The following NCOA1 variants were observed in gnomAD, a reference collection of about 807,000 sequenced individuals.
NCOA1 encodes the protein nuclear receptor coactivator 1.
Under a neutral mutation model 150.9 loss-of-function variants are expected in NCOA1, and 35 were observed. The ratio of observed to expected loss-of-function variants is 0.23; its 90% confidence interval spans 0.18 to 0.31. NCOA1 has a LOEUF of 0.31. NCOA1 is among the 10% of genes least tolerant of loss of function. The probability of loss-of-function intolerance (pLI) is 1.00; values close to 1 mark genes in which losing one functional copy is unlikely to be tolerated. For missense variants in NCOA1, 1,491 were observed against 1,749.3 expected, an observed-to-expected ratio of 0.85 and a Z score of 2.63; for synonymous variants, 590 against 630.0, an observed-to-expected ratio of 0.94 and a Z score of 0.95.
chr2:24,668,802 G>A lies in NCOA1; in HGVS notation c.256+2887G>A, dbSNP rs199812360. 5.7e-3 allele frequency among the ~76,000 whole-genome samples: 853 copies of A among 149,146 alleles called. 6 individuals carry two copies. The highest frequency in any genetic ancestry group is 9.0e-3 in the Non-Finnish European group (604 of 67,244). The stretch of plus-strand genomic sequence containing the variant: ...GGACTCTAGGGAACATTTCCATAGG[G>A]AAAAAAAAAAGGAACGCATAAGAGT... On this transcript the variant is annotated intron_variant, in intron 6 of 22. Transcript: ENST00000348332.
At chr2:24,641,476 A>T (rs1048174212) in intron 3 of NCOA1, among the ~76,000 whole-genome samples, 5 of 151,978 alleles carry the variant, frequency 3.3e-5, no homozygotes, top group Non-Finnish European at 7.4e-5. Flanking sequence ...TGTAGATCTG[A>T]CTTTATCTAG....
At chr2:24,705,867 A>T (rs1417678457) in intron 12 of NCOA1, among the ~76,000 whole-genome samples, 1 of 152,198 alleles carries the variant, frequency 6.6e-6, no homozygotes, top group African/African-American at 2.4e-5. Flanking sequence ...GAACATGGTA[A>T]TGCCAGTCAC....
chr2:24,526,972 A>G (rs1664679451), intron 1 of NCOA1, among the ~76,000 whole-genome samples: 1 of 152,230 alleles, frequency 6.6e-6, no homozygotes, highest in Non-Finnish European at 1.5e-5. Flanking sequence ...TTTCAAGTAT[A>G]TAGGACAATA....
intron 1 of NCOA1, among the ~76,000 whole-genome samples, chr2:24,561,844 TTAAA>T (rs1045247034): frequency 3.3e-5 from 5 of 152,250 alleles, no homozygotes; most frequent in African/African-American, 7.2e-5. Context: ...CAATAATTAC[TTAAA>T]TAGATTATAG....
intron 1 of NCOA1, among the ~76,000 whole-genome samples, chr2:24,527,123 A>G (rs1441523447): frequency 6.6e-6 from 1 of 152,168 alleles, no homozygotes; most frequent in Non-Finnish European, 1.5e-5. Flanking sequence ...TAGTAAGACA[A>G]ATCAACATAT....
intron 7 of NCOA1, among the ~76,000 whole-genome samples, chr2:24,675,916 T>G (rs997188592): frequency 6.6e-6 from 1 of 151,948 alleles, no homozygotes; most frequent in African/African-American, 2.4e-5. Context: ...AAGTAAAAAA[T>G]AAACAAGAGA....
rs1458033203 is a variant in NCOA1, at chr2:24,742,130, T to C, written c.3650T>C (p.Phe1217Ser). ...RGMTGNIGGQ[F>S]GTGINPQMQQ... is the part of the protein sequence containing the mutation. ...ATGACAGGAAACATAGGAGGACAGT[T>C]TGGCACTGGAATCAATCCTCAGATG... is the stretch of plus-strand genomic sequence containing the variant. The change falls in exon 19 of 23, where the codon TTT becomes TCT. Residue 1217 changes from phenylalanine to serine, a missense_variant. Phe to Ser is a radical substitution (Grantham distance 155, BLOSUM62 -2). Coordinates refer to ENST00000348332, the MANE Select transcript of NCOA1 (RefSeq NM_003743.5). 6.2e-7 allele frequency: 1 copy of C among 1,614,064 alleles called. No homozygotes were observed. Among genetic ancestry groups the C allele is most frequent in the African/African-American group, 1.3e-5 (1 of 75,052 alleles).
chr2:24,706,827 GTTGCCT>G lies in NCOA1; in HGVS notation c.1359_1364del (p.Ala454_Leu455del). The stretch of plus-strand genomic sequence containing the variant: ...ACCCGGAAGTCAGATTGTAGCCAAT[GTTGCCT>G]TAAACCAAGGACAGGCCAGTTCACA... On this transcript the variant is annotated inframe_deletion, in exon 13 of 23. Coordinates refer to ENST00000348332, the MANE Select transcript of NCOA1 (RefSeq NM_003743.5). 3.1e-6 allele frequency: 5 copies of G among 1,614,164 alleles called. No individual in the cohort carries two copies. The highest frequency in any genetic ancestry group is 4.2e-6 in the Non-Finnish European group (5 of 1,180,036).
intron 1 of NCOA1, among the ~76,000 whole-genome samples, chr2:24,520,844 T>C (rs940250840): frequency 1.3e-5 from 2 of 152,214 alleles, no homozygotes; most frequent in Non-Finnish European, 2.9e-5. Context: ...TGTAGTGTCC[T>C]ACAAAGCTCT....
At chr2:24,612,681 T>C (rs1438353485) in intron 3 of NCOA1, among the ~76,000 whole-genome samples, 1 of 152,176 alleles carries the variant, frequency 6.6e-6, no homozygotes, top group Non-Finnish European at 1.5e-5. Context: ...TCCAGTCTAT[T>C]GATAAAGCTT....
intron 1 of NCOA1, among the ~76,000 whole-genome samples, chr2:24,498,180 A>G (rs760891859): frequency 6.6e-6 from 1 of 152,202 alleles, no homozygotes; most frequent in African/African-American, 2.4e-5. Flanking sequence ...TGCAATGTCT[A>G]ATATCTCCCT....
At chr2:24,714,314 T>TA (rs1329699953) in intron 14 of NCOA1, among the ~76,000 whole-genome samples, 1 of 151,836 alleles carries the variant, frequency 6.6e-6, no homozygotes, top group South Asian at 2.1e-4. Context: ...CAACATATAA[T>TA]AAAAAAAATT....
intron 2 of NCOA1, among the ~76,000 whole-genome samples, chr2:24,576,053 G>A (rs1371963262): frequency 6.6e-6 from 1 of 150,834 alleles, no homozygotes; most frequent in Non-Finnish European, 1.5e-5. Flanking sequence ...GACTTTACAT[G>A]ATACTTCATG....
Position 24,748,005 on chromosome 2 carries a change from C to T in NCOA1, c.3707-3977C>T, listed in dbSNP as rs548673083. Among the ~76,000 whole-genome samples the T allele has an allele frequency of 1.2e-3, 181 of 152,066 alleles. 2 individuals are homozygous for T. Among genetic ancestry groups the T allele is most frequent in the African/African-American group, 4.2e-3 (176 of 41,468 alleles). Reference sequence around the variant, plus strand: ...CCTGTAATCCCAGCTACTCAGGAGGCTGAGGCAAGAGAATTGCTTGAACCC... The same window carrying T: ...CCTGTAATCCCAGCTACTCAGGAGGTTGAGGCAAGAGAATTGCTTGAACCC... On this transcript the variant is annotated intron_variant, in intron 19 of 22. Transcript: ENST00000348332.
chr2:24,667,488 A>G (rs1005983028), intron 6 of NCOA1, among the ~76,000 whole-genome samples: 13 of 152,174 alleles, frequency 8.5e-5, no homozygotes, highest in African/African-American at 2.9e-4. Context: ...CAAGCAAACA[A>G]ACAGAAAAAA....
At chr2:24,639,854 C>T (rs2148452248) in intron 3 of NCOA1, among the ~76,000 whole-genome samples, 1 of 143,072 alleles carries the variant, frequency 7.0e-6, no homozygotes, top group African/African-American at 2.6e-5. Flanking sequence ...TGCTATTGCA[C>T]TCCAGCCCGG....
chr2:24,675,270 T>C (rs149456720), intron 7 of NCOA1, among the ~76,000 whole-genome samples: 2 of 152,320 alleles, frequency 1.3e-5, no homozygotes, highest in Admixed American at 1.3e-4. Flanking sequence ...TAAGCAAATA[T>C]GAATTTATTG....
intron 8 of NCOA1, among the ~76,000 whole-genome samples, chr2:24,686,032 A>C (rs1053114748): frequency 2.0e-5 from 3 of 152,074 alleles, no homozygotes; most frequent in South Asian, 2.1e-4. Flanking sequence ...ACAGAGTTTC[A>C]CTCTTGTCAC....
At chr2:24,592,627 A>G (rs1047195036) in intron 3 of NCOA1, among the ~76,000 whole-genome samples, 1 of 122,876 alleles carries the variant, frequency 8.1e-6, no homozygotes, top group Non-Finnish European at 1.6e-5. Context: ...ACCAGTAACC[A>G]TGGTTTCTTG....
Sources: allele counts gnomAD v4.1 joint callset (sites outside exome capture counted in the v4.1 genomes callset), GRCh38; gene constraint gnomAD v4.1.1; transcripts MANE v1.5; gene names NCBI Gene and HGNC (gene_info 2026-07-23, HGNC 2026-07-21).